RALYL: variants seen among roughly 807,000 people sequenced by gnomAD.
RALYL encodes the protein RNA-binding Raly-like protein.
A neutral mutation model predicts 35.1 loss-of-function variants in RALYL; 29 were observed. That is an observed-to-expected ratio of 0.83 (90% CI 0.61 to 1.13). RALYL has a LOEUF of 1.13. Ranked by LOEUF, RALYL falls within the 50% of genes most tolerant of loss-of-function variation. The probability of loss-of-function intolerance (pLI) is 0.00; values close to 1 mark genes in which losing one functional copy is unlikely to be tolerated. For synonymous variants in RALYL, 120 were observed against 127.6 expected (o/e 0.94, Z 0.40); for missense variants, 359 against 360.4 (o/e 1.00, Z 0.03).
chr8:84,524,366 G>A (rs2058715646), intron 1 of RALYL, among the ~76,000 whole-genome samples: 1 of 152,108 alleles, frequency 6.6e-6, no homozygotes, highest in Non-Finnish European at 1.5e-5. Context: ...ATCATCCCTG[G>A]CCATCAGAGA....
intron 1 of RALYL, among the ~76,000 whole-genome samples, chr8:84,406,707 C>T (rs539760451): frequency 6.6e-6 from 1 of 151,838 alleles, no homozygotes; most frequent in South Asian, 2.1e-4. Flanking sequence ...TACCATGGGC[C>T]CTAGGAGTCT....
intron 1 of RALYL, among the ~76,000 whole-genome samples, chr8:84,421,949 C>T (rs1191824916): frequency 5.9e-5 from 9 of 151,916 alleles, no homozygotes; most frequent in Non-Finnish European, 1.3e-4. Context: ...ATTCGGTTTG[C>T]CAGTATTTTA....
At chr8:84,332,373 G>A (rs1846994436) in intron 1 of RALYL, among the ~76,000 whole-genome samples, 1 of 152,226 alleles carries the variant, frequency 6.6e-6, no homozygotes. Context: ...AAAGGGAAAT[G>A]TAAAGATTAT....
chr8:84,196,582 A>G (rs924665191), intron 1 of RALYL, among the ~76,000 whole-genome samples: 2 of 152,196 alleles, frequency 1.3e-5, no homozygotes, highest in African/African-American at 2.4e-5. Flanking sequence ...TGTATTGTAT[A>G]CTTAACAGCA....
intron 1 of RALYL, among the ~76,000 whole-genome samples, chr8:84,478,485 T>C (rs1335778903): frequency 6.6e-6 from 1 of 152,194 alleles, no homozygotes; most frequent in Non-Finnish European, 1.5e-5. Flanking sequence ...TACTAATCAC[T>C]TTCTGCACAA....
intron 1 of RALYL, among the ~76,000 whole-genome samples, chr8:84,515,717 T>C (rs1348368825): frequency 6.6e-6 from 1 of 152,064 alleles, no homozygotes; most frequent in Non-Finnish European, 1.5e-5. Flanking sequence ...AAATTATTAA[T>C]ATACTCTGTC....
intron 2 of RALYL, among the ~76,000 whole-genome samples, chr8:84,625,615 T>C (rs1268925183): frequency 6.6e-6 from 1 of 152,184 alleles, no homozygotes; most frequent in Non-Finnish European, 1.5e-5. Context: ...GTAGATACCA[T>C]AATTACCTAA....
intron 7 of RALYL, among the ~76,000 whole-genome samples, chr8:84,886,963 G>T (rs1351519838): frequency 6.6e-6 from 1 of 152,172 alleles, no homozygotes; most frequent in Non-Finnish European, 1.5e-5. Flanking sequence ...AAGCTATTAG[G>T]TGATGAAGCT....
chr8:84,440,506 C>A (rs2048217568), intron 1 of RALYL, among the ~76,000 whole-genome samples: 1 of 152,004 alleles, frequency 6.6e-6, no homozygotes, highest in African/African-American at 2.4e-5. Context: ...TGCAGCAACT[C>A]TTATAATTAA....
intron 2 of RALYL, among the ~76,000 whole-genome samples, chr8:84,589,494 A>G (rs1812752115): frequency 6.6e-6 from 1 of 152,258 alleles, no homozygotes; most frequent in Non-Finnish European, 1.5e-5. Context: ...CCATTGCAGT[A>G]GCATATATTT....
intron 2 of RALYL, among the ~76,000 whole-genome samples, chr8:84,657,433 GTT>G (rs1830158485): frequency 6.6e-6 from 1 of 152,106 alleles, no homozygotes; most frequent in Non-Finnish European, 1.5e-5. Flanking sequence ...ACCGAAACTG[GTT>G]ATGGTTTTTT....
At chr8:84,907,070 C>A in intron 8 of RALYL, 1 of 596,912 alleles carries the variant, frequency 1.7e-6, no homozygotes, top group Non-Finnish European at 2.1e-6. Context: ...AAACCTTATG[C>A]ATATTTGATA....
At chr8:84,698,688 T>C (rs1270253911) in intron 2 of RALYL, among the ~76,000 whole-genome samples, 1 of 151,896 alleles carries the variant, frequency 6.6e-6, no homozygotes, top group East Asian at 1.9e-4. Flanking sequence ...AAGAAGAAAG[T>C]AAGGGCAAGT....
At chr8:84,762,510 T>G (rs1183543403) in intron 2 of RALYL, among the ~76,000 whole-genome samples, 3 of 152,196 alleles carry the variant, frequency 2.0e-5, no homozygotes, top group Non-Finnish European at 4.4e-5. Context: ...AGAATCTTTT[T>G]GAAAATAAAA....
chr8:84,311,084 A>T (rs1480608241), intron 1 of RALYL, among the ~76,000 whole-genome samples: 4 of 129,762 alleles, frequency 3.1e-5, no homozygotes, highest in East Asian at 2.1e-4. Context: ...AAAAAAAAAA[A>T]AAAAAAATGT....
At chr8:84,557,164 G>T (rs979010132) in intron 2 of RALYL, among the ~76,000 whole-genome samples, 3 of 152,112 alleles carry the variant, frequency 2.0e-5, no homozygotes, top group African/African-American at 7.2e-5. Context: ...TTGTTGCCCT[G>T]GTGCCAGGAA....
intron 1 of RALYL, among the ~76,000 whole-genome samples, chr8:84,214,396 T>C (rs1355820103): frequency 6.6e-6 from 1 of 152,154 alleles, no homozygotes; most frequent in Non-Finnish European, 1.5e-5. Context: ...GTCTTTATGC[T>C]TTATCAAATT....
At position 84,512,594 on chromosome 8, in the gene RALYL, A is replaced by T. The variant is rs145777980; in HGVS notation, c.-23-16705A>T. On this transcript the variant is annotated intron_variant, in intron 1 of 8. Transcript: ENST00000521268. ...CCTGTACTTTTGAGGTCTTAGCCAT[A>T]AAATATTTGCCTTGACCAATGTCCA... Among the ~76,000 whole-genome samples, 389 of 152,262 alleles carry T rather than the reference A, an allele frequency of 2.6e-3. 1 individual carries two copies. Among genetic ancestry groups the T allele is most frequent in the African/African-American group, 8.6e-3 (358 of 41,566 alleles).
intron 8 of RALYL, among the ~76,000 whole-genome samples, chr8:84,911,712 T>C (rs1310415533): frequency 1.3e-5 from 2 of 152,106 alleles, no homozygotes; most frequent in Non-Finnish European, 2.9e-5. Flanking sequence ...AAGTCCCAGC[T>C]TTTTACCTGT....
Sources: gnomAD v4.1 joint callset for allele counts (sites outside exome capture counted in the v4.1 genomes callset) on GRCh38, gnomAD v4.1.1 for gene constraint, MANE v1.5 for transcripts, NCBI Gene and HGNC (gene_info 2026-07-23, HGNC 2026-07-21) for gene names.